JPH3: variants seen among roughly 807,000 people sequenced by gnomAD.
JPH3 encodes the protein junctophilin 3, also known as junctophilin-3.
JPH3 carries 11 observed loss-of-function variants against 59.6 expected under a neutral mutation model. That is an observed-to-expected ratio of 0.18 (90% CI 0.12 to 0.31). The LOEUF (loss-of-function observed/expected upper bound fraction) is 0.31. Among genes scored for constraint, JPH3 ranks in the 10% least tolerant of loss-of-function variants. The pLI, the probability that JPH3 is intolerant of heterozygous loss-of-function variation, is 1.00. For missense variants in JPH3, 1,202 were observed against 1,105.7 expected, an observed-to-expected ratio of 1.09 and a Z score of -1.24; for synonymous variants, 673 against 483.6, an observed-to-expected ratio of 1.39 and a Z score of -5.14.
Position 87,620,506 on chromosome 16 carries a change from G to A in JPH3, c.382+16978G>A, listed in dbSNP as rs551418891. On this transcript the variant is annotated intron_variant, in intron 1 of 4. Coordinates refer to ENST00000284262, the MANE Select transcript of JPH3 (RefSeq NM_020655.4). Reference sequence around the variant, plus strand: ...GAGAGGGAGAGGGGGAGGGGAAGAAGGAGAAAAGGGAGAGGGGTGGGCTGT... The same window carrying A: ...GAGAGGGAGAGGGGGAGGGGAAGAAAGAGAAAAGGGAGAGGGGTGGGCTGT... Among the ~76,000 whole-genome samples the A allele has an allele frequency of 6.6e-3, 933 of 140,858 alleles. 6 individuals carry two copies. Among genetic ancestry groups the A allele is most frequent in the Non-Finnish European group, 9.9e-3 (637 of 64,162 alleles). The allele number at this position is 140,858 out of a possible 152,430, so 92.4% of individuals were successfully genotyped here.
chr16:87,610,251 G>A (rs2030682391), intron 1 of JPH3, among the ~76,000 whole-genome samples: 1 of 152,194 alleles, frequency 6.6e-6, no homozygotes, highest in Non-Finnish European at 1.5e-5. Flanking sequence ...CTGCTGTGTG[G>A]CTGGGTTCCT....
chr16:87,647,961 C>G (rs1364607440), intron 2 of JPH3, among the ~76,000 whole-genome samples: 2 of 152,248 alleles, frequency 1.3e-5, no homozygotes, highest in South Asian at 4.1e-4. Context: ...CCTCCCCTCT[C>G]TGGGCTGGGT....
chr16:87,635,106 GC>G (rs1382222309), intron 1 of JPH3, among the ~76,000 whole-genome samples: 1 of 152,170 alleles, frequency 6.6e-6, no homozygotes, highest in Admixed American at 6.5e-5. Context: ...ATGGGTCGGG[GC>G]CGCACATGAG....
intron 2 of JPH3, among the ~76,000 whole-genome samples, chr16:87,681,606 C>A (rs901995439): frequency 1.4e-5 from 2 of 144,844 alleles, no homozygotes; most frequent in African/African-American, 5.2e-5. Flanking sequence ...GCGGTGATGA[C>A]AGTGCCGGGA....
chr16:87,644,831 G>A lies in JPH3; in HGVS notation c.956G>A (p.Arg319Gln), dbSNP rs761450944. The change falls in exon 2 of 5, where the codon CGG (arginine) becomes CAG (glutamine). Residue 319 changes from arginine to glutamine, a missense_variant. Transcript: ENST00000284262. Reference protein sequence around the residue: ...LKYEGEWASNRRHGYGCMTFP... With the variant: ...LKYEGEWASNQRHGYGCMTFP... ...TACGAGGGCGAGTGGGCCAGCAACCGGCGCCATGGCTACGGCTGCATGACC... is the reference window on the plus strand; with the variant it reads ...TACGAGGGCGAGTGGGCCAGCAACCAGCGCCATGGCTACGGCTGCATGACC... The A allele has an allele frequency of 2.6e-5, 42 of 1,613,156 alleles. No homozygotes were observed. Among genetic ancestry groups the A allele is most frequent in the African/African-American group, 8.0e-5 (6 of 74,832 alleles).
intron 2 of JPH3, among the ~76,000 whole-genome samples, chr16:87,657,883 T>G (rs2032559093): frequency 1.3e-5 from 2 of 152,206 alleles, no homozygotes; most frequent in Admixed American, 6.5e-5. Flanking sequence ...TGTGCCTGGC[T>G]GACAATGGGG....
At chr16:87,604,488 C>A in intron 1 of JPH3, 1 of 1,334,852 alleles carries the variant, frequency 7.5e-7, no homozygotes, top group Non-Finnish European at 9.8e-7. Context: ...CAGTCCACTC[C>A]CATGTGGGAG....
intron 1 of JPH3, among the ~76,000 whole-genome samples, chr16:87,633,495 T>TTATA (rs926816158): frequency 9.4e-4 from 137 of 145,642 alleles, no homozygotes; most frequent in Middle Eastern, 3.4e-3. Flanking sequence ...AAAAAAAAAT[T>TTATA]TATATATATA....
At chr16:87,639,022 C>G (rs1386077049) in intron 1 of JPH3, among the ~76,000 whole-genome samples, 2 of 152,174 alleles carry the variant, frequency 1.3e-5, no homozygotes, top group African/African-American at 4.8e-5. Flanking sequence ...GCCCTGGGTT[C>G]TAACGCTGCC....
rs1567623085 is a variant in JPH3, at chr16:87,696,987, G to GGTCACACGTCCCGTCTTGGGTGT, written c.*329_*351dup. On this transcript the variant is annotated 3_prime_UTR_variant, in exon 5 of 5. Coordinates refer to ENST00000284262, the MANE Select transcript of JPH3 (RefSeq NM_020655.4). ...TGGTAACAGCGGACGTTGTCCTCGT[G>GGTCACACGTCCCGTCTTGGGTGT]GTCACACGTCCCGTCTTGGGTGTGG... is the stretch of plus-strand genomic sequence containing the variant. 1 of 353,850 alleles carries GGTCACACGTCCCGTCTTGGGTGT rather than the reference G, an allele frequency of 2.8e-6. No homozygotes were observed. Among genetic ancestry groups the GGTCACACGTCCCGTCTTGGGTGT allele is most frequent in the Non-Finnish European group, 5.4e-6 (1 of 183,968 alleles). The allele number at this position is 353,850 out of a possible 1,614,324, so 21.9% of individuals were successfully genotyped here. A position where few individuals can be genotyped will look rare whatever the true frequency, so the allele number is the denominator to read the frequency against.
chr16:87,655,418 A>T (rs541003472), intron 2 of JPH3, among the ~76,000 whole-genome samples: 4 of 152,216 alleles, frequency 2.6e-5, no homozygotes, highest in Non-Finnish European at 5.9e-5. Context: ...CAGTGGTACG[A>T]TCATAGCCCA....
intron 1 of JPH3, among the ~76,000 whole-genome samples, chr16:87,613,691 T>C (rs1597235041): frequency 2.0e-5 from 3 of 152,202 alleles, no homozygotes; most frequent in East Asian, 3.8e-4. Flanking sequence ...CCTGAAGCTA[T>C]AGAGGGCTGA....
intron 1 of JPH3, among the ~76,000 whole-genome samples, chr16:87,641,842 T>G (rs1458330819): frequency 6.6e-6 from 1 of 152,252 alleles, no homozygotes; most frequent in Non-Finnish European, 1.5e-5. Flanking sequence ...CAAGTCCCTC[T>G]GGGGGCTCGT....
intron 1 of JPH3, among the ~76,000 whole-genome samples, chr16:87,623,009 G>A (rs1161237649): frequency 2.0e-5 from 3 of 152,142 alleles, no homozygotes; most frequent in Non-Finnish European, 2.9e-5. Flanking sequence ...GGACCTGGTG[G>A]AGGTCGGCTG....
intron 1 of JPH3, among the ~76,000 whole-genome samples, chr16:87,622,758 G>A (rs1437678269): frequency 6.6e-6 from 1 of 151,786 alleles, no homozygotes; most frequent in Admixed American, 6.6e-5. Context: ...GCCCCACCCT[G>A]CCGCTGAGAG....
intron 2 of JPH3, chr16:87,683,936 T>G: frequency 3.5e-6 from 2 of 578,302 alleles, no homozygotes; most frequent in Non-Finnish European, 6.2e-6. Flanking sequence ...TCCTGTGCAC[T>G]GGGCCTGGTT....
chr16:87,676,196 T>C (rs2033137824), intron 2 of JPH3, among the ~76,000 whole-genome samples: 1 of 152,254 alleles, frequency 6.6e-6, no homozygotes, highest in South Asian at 2.1e-4. Flanking sequence ...TGTTTACCTT[T>C]GTATCAGCCG....
Position 87,645,038 on chromosome 16 carries a change from A to T in JPH3, c.1160+3A>T, listed in dbSNP as rs1279626135. ...AAGGCTGAGATCGCGGCTTCCAGGTAGGAGGGCGAGGGGGCGGGGGGCCCT... is the reference window on the plus strand; with the variant it reads ...AAGGCTGAGATCGCGGCTTCCAGGTTGGAGGGCGAGGGGGCGGGGGGCCCT... On this transcript the variant is annotated splice_donor_region_variant and intron_variant, in intron 2 of 4. Transcript: ENST00000284262. 6.3e-7 allele frequency: 1 copy of T among 1,598,046 alleles called. No homozygotes were observed. The highest frequency in any genetic ancestry group is 1.3e-5 in the African/African-American group (1 of 74,812).
At chr16:87,636,040 C>T (rs528325571) in intron 1 of JPH3, among the ~76,000 whole-genome samples, 9 of 152,174 alleles carry the variant, frequency 5.9e-5, no homozygotes, top group East Asian at 1.9e-4. Flanking sequence ...ACCCTCGCGG[C>T]GGCCCACAGA....
Sources: gnomAD v4.1 joint callset for allele counts (sites outside exome capture counted in the v4.1 genomes callset) on GRCh38, gnomAD v4.1.1 for gene constraint, MANE v1.5 for transcripts, NCBI Gene and HGNC (gene_info 2026-07-23, HGNC 2026-07-21) for gene names.